EPB41L4A: variants seen among roughly 807,000 people sequenced by gnomAD.
EPB41L4A encodes band 4.1-like protein 4A.
EPB41L4A carries 100 observed loss-of-function variants against 108.6 expected under a neutral mutation model. The ratio of observed to expected loss-of-function variants is 0.92; its 90% CI spans 0.78 to 1.09. EPB41L4A has a LOEUF of 1.09. EPB41L4A is among the 50% of genes least tolerant of loss of function. EPB41L4A has a pLI of 0.00. For missense variants in EPB41L4A, 1,030 were observed against 842.7 expected (o/e 1.22, Z -2.75); for synonymous variants, 319 against 289.0 (o/e 1.10, Z -1.05).
intron 12 of EPB41L4A, chr5:112,228,343 G>C (rs1003801547): frequency 3.9e-5 from 6 of 152,202 alleles, no homozygotes; most frequent in African/African-American, 1.4e-4. Flanking sequence ...CAACTGGCTT[G>C]GTCCAAGCGG....
intron 1 of EPB41L4A, among the ~76,000 whole-genome samples, chr5:112,323,635 C>T (rs962812145): frequency 6.6e-5 from 10 of 152,310 alleles, no homozygotes; most frequent in East Asian, 3.9e-4. Context: ...CGTTGAACAA[C>T]GTACCTTAAA....
Position 112,164,954 on chromosome 5 carries a change from A to C in EPB41L4A, c.*36T>G. 6.4e-7 allele frequency: 1 copy of C among 1,553,574 alleles called. No individual in the cohort carries two copies. Among genetic ancestry groups the C allele is most frequent in the Non-Finnish European group, 8.7e-7 (1 of 1,154,738 alleles). On this transcript the variant is annotated 3_prime_UTR_variant, in exon 23 of 23. Coordinates refer to ENST00000261486, the MANE Select transcript of EPB41L4A (RefSeq NM_022140.5). Reference sequence around the variant, plus strand: ...TTTCAAAAGTACCAGTGGCGCACACAACCTTCCCACCCCTACCCTTGACCC... The same window carrying C: ...TTTCAAAAGTACCAGTGGCGCACACCACCTTCCCACCCCTACCCTTGACCC...
In EPB41L4A at chr5:112,266,307, T is replaced by C; in HGVS notation, c.359A>G (p.Lys120Arg). The C allele has an allele frequency of 6.2e-7, 1 of 1,606,100 alleles. No individual in the cohort carries two copies. The highest frequency in any genetic ancestry group is 8.5e-7 in the Non-Finnish European group (1 of 1,176,420). ...ITRYQFFLQVKQDVLQGRLPC... is the reference protein window; with the variant it reads ...ITRYQFFLQVRQDVLQGRLPC... Reference sequence around the variant, plus strand: ...CAGACGGCCCTGAAGGACATCTTGCTTCACCTGCAAGAAAAACTGATATCT... The same window carrying C: ...CAGACGGCCCTGAAGGACATCTTGCCTCACCTGCAAGAAAAACTGATATCT... The change falls in exon 5 of 23, where the codon AAG becomes AGG. Residue 120 changes from lysine (K) to arginine (R), a missense_variant. Physicochemically the swap from Lys to Arg is conservative, Grantham distance 26. Coordinates refer to ENST00000261486, the MANE Select transcript of EPB41L4A (RefSeq NM_022140.5).
Position 112,266,205 on chromosome 5 carries a change from G to A in EPB41L4A, c.433+28C>T, listed in dbSNP as rs1488605747. On this transcript the variant is annotated intron_variant, in intron 5 of 22. Transcript: ENST00000261486. ...GCAAATACTTTCTCCAGACATTTCT[G>A]AGGCAAATATGCTTAAGTGGCACCT... 2.0e-6 allele frequency: 3 copies of A among 1,499,970 alleles called. No individual in the cohort carries two copies. The African/African-American group carries it at 4.2e-5, about 21-fold the overall frequency. The allele number at this position is 1,499,970 out of a possible 1,614,324, so 92.9% of individuals were successfully genotyped here.
chr5:112,277,117 G>A lies in EPB41L4A; in HGVS notation c.257-1713C>T, dbSNP rs200787212. Among the ~76,000 whole-genome samples, 15 of 152,214 alleles carry A rather than the reference G, an allele frequency of 9.9e-5. No individual in the cohort carries two copies. The East Asian group carries it at 2.1e-3, about 22-fold the overall frequency. ...CAGGAAGTCCACCCTCAGCTTATCC[G>A]TCTGTGTCAATCAAGCTCCATGTTC... On this transcript the variant is annotated intron_variant, in intron 3 of 22. Coordinates refer to ENST00000261486, the MANE Select transcript of EPB41L4A (RefSeq NM_022140.5).
chr5:112,197,228 T>C (rs552122518), intron 15 of EPB41L4A, among the ~76,000 whole-genome samples: 17 of 152,320 alleles, frequency 1.1e-4, no homozygotes, highest in African/African-American at 3.8e-4. Flanking sequence ...TCCCCCCTCA[T>C]CTGCCCAGTC....
In EPB41L4A at chr5:112,199,669, T is replaced by C. The variant is rs556627479; in HGVS notation, c.1377-3961A>G. Among the ~76,000 whole-genome samples, 46 of 152,288 alleles carry C rather than the reference T, an allele frequency of 3.0e-4. 1 individual carries two copies. In the South Asian group the frequency reaches 8.9e-3, roughly 29 times the overall value. The stretch of plus-strand genomic sequence containing the variant: ...AGGATATCAGAATCTAAACTGGCAA[T>C]TGTCCCTTTCAAGCCTGTGAAGTCC... On this transcript the variant is annotated intron_variant, in intron 15 of 22. Coordinates refer to ENST00000261486, the MANE Select transcript of EPB41L4A (RefSeq NM_022140.5).
intron 13 of EPB41L4A, among the ~76,000 whole-genome samples, chr5:112,145,121 C>T (rs1007778324): frequency 6.6e-6 from 1 of 152,168 alleles, no homozygotes; most frequent in African/African-American, 2.4e-5. Flanking sequence ...GAAACCCTGT[C>T]CCTACTAAAA....
At chr5:112,395,616 G>T (rs1355109904) in intron 1 of EPB41L4A, among the ~76,000 whole-genome samples, 1 of 152,140 alleles carries the variant, frequency 6.6e-6, no homozygotes, top group Non-Finnish European at 1.5e-5. Flanking sequence ...GAGAGGATGT[G>T]GAGAAATAGG....
intron 12 of EPB41L4A, among the ~76,000 whole-genome samples, chr5:112,155,815 G>C (rs1041839176): frequency 6.6e-6 from 1 of 152,158 alleles, no homozygotes; most frequent in Non-Finnish European, 1.5e-5. Context: ...TAGGAAATTA[G>C]TTTGGGTTCA....
chr5:112,405,695 T>G (rs1762036014), intron 1 of EPB41L4A, among the ~76,000 whole-genome samples: 1 of 152,202 alleles, frequency 6.6e-6, no homozygotes, highest in Non-Finnish European at 1.5e-5. Flanking sequence ...CTGTATTCAC[T>G]TTTTCTAAAA....
chr5:112,305,339 T>C lies in EPB41L4A; in HGVS notation c.204+2047A>G, dbSNP rs139192637. Among the ~76,000 whole-genome samples, 885 of 152,270 alleles carry C rather than the reference T, an allele frequency of 5.8e-3. 7 individuals carry two copies. Among genetic ancestry groups the C allele is most frequent in the Middle Eastern group, 0.014 (4 of 294 alleles). On this transcript the variant is annotated intron_variant, in intron 2 of 22. Coordinates refer to ENST00000261486, the MANE Select transcript of EPB41L4A (RefSeq NM_022140.5). ...TGGAGAATGATGAGTTCCGGGGTTC[T>C]AGGTTCTCCTGGTCCTCCAGTGCAG... is the stretch of plus-strand genomic sequence containing the variant.
At chr5:112,268,842 CAAA>C (rs34983995) in intron 4 of EPB41L4A, among the ~76,000 whole-genome samples, 3 of 55,894 alleles carry the variant, frequency 5.4e-5, no homozygotes, top group Non-Finnish European at 9.1e-5. Context: ...GACCTTCTCT[CAAA>C]AAAAAAAAAA....
At chr5:112,209,159 G>T (rs17134245) in intron 13 of EPB41L4A, among the ~76,000 whole-genome samples, 7,062 of 152,262 alleles carry the variant, frequency 0.046, 529 homozygotes, top group African/African-American at 0.15. Context: ...GTCTTTGCAG[G>T]TCACATATCT....
chr5:112,275,724 AAAAT>A (rs996951481), intron 3 of EPB41L4A, among the ~76,000 whole-genome samples: 1 of 145,898 alleles, frequency 6.9e-6, no homozygotes, highest in African/African-American at 2.6e-5. Context: ...AGAAAGAAAA[AAAAT>A]AAATGGTTTA....
chr5:112,339,080 A>T (rs978089425), intron 1 of EPB41L4A, among the ~76,000 whole-genome samples: 16 of 152,110 alleles, frequency 1.1e-4, no homozygotes, highest in African/African-American at 3.6e-4. Flanking sequence ...GAGATACTGG[A>T]GGGAAAAATC....
At chr5:112,344,882 T>C (rs56307310) in intron 1 of EPB41L4A, among the ~76,000 whole-genome samples, 1 of 152,198 alleles carries the variant, frequency 6.6e-6, no homozygotes, top group African/African-American at 2.4e-5. Context: ...GAGACTGGAG[T>C]GCTTGACTTT....
At chr5:112,161,016 T>C (rs1444592419), downstream of EPB41L4A, 1 of 156,292 alleles carries the variant, frequency 6.4e-6, no homozygotes, top group Non-Finnish European at 1.5e-5. Context: ...GCGGCCTGTG[T>C]CCGAAGTGTC....
chr5:112,406,525 A>C (rs1561650569), intron 1 of EPB41L4A, among the ~76,000 whole-genome samples: 1 of 152,160 alleles, frequency 6.6e-6, no homozygotes. Context: ...TCCCTCGAGC[A>C]GAAGACACTC....
Sources: gnomAD v4.1 joint callset for allele counts (sites outside exome capture counted in the v4.1 genomes callset) on GRCh38, gnomAD v4.1.1 for gene constraint, MANE v1.5 for transcripts, NCBI Gene and HGNC (gene_info 2026-07-23, HGNC 2026-07-21) for gene names.